Variants in DEFB114 observed in about 807,000 individuals in gnomAD.
The protein encoded by DEFB114 is beta-defensin 114.
A neutral mutation model predicts 2.4 loss-of-function variants in DEFB114; 4 were observed. The observed-to-expected ratio is 1.67, with a 90% CI of 0.82 to 3.82. The LOEUF (loss-of-function observed/expected upper bound fraction) is 3.82. Ranked by LOEUF, DEFB114 falls within the 30% of genes most tolerant of loss-of-function variation. DEFB114 has a pLI of 0.01. For missense variants in DEFB114, 113 were observed against 85.8 expected, an observed-to-expected ratio of 1.32 and a Z score of -1.25; for synonymous variants, 35 against 24.6, an observed-to-expected ratio of 1.42 and a Z score of -1.26.
chr6:49,962,927 A>G (rs1773485926), intron 1 of DEFB114, among the ~76,000 whole-genome samples: 1 of 150,312 alleles, frequency 6.7e-6, no homozygotes, highest in Non-Finnish European at 1.5e-5. Context: ...TTCTGAAAAA[A>G]TTACATCATA....
At chr6:49,962,511 T>C (rs1222397741) in intron 1 of DEFB114, among the ~76,000 whole-genome samples, 1 of 150,426 alleles carries the variant, frequency 6.6e-6, no homozygotes, top group Non-Finnish European at 1.5e-5. Flanking sequence ...ATATGCTAAA[T>C]GTATTGAACA....
At chr6:49,963,003 G>A (rs1193696949) in intron 1 of DEFB114, among the ~76,000 whole-genome samples, 2 of 150,216 alleles carry the variant, frequency 1.3e-5, no homozygotes, top group African/African-American at 4.8e-5. Flanking sequence ...TAAGGGAATA[G>A]AATCCATAAT....
intron 1 of DEFB114, among the ~76,000 whole-genome samples, chr6:49,961,595 T>C (rs1377903183): frequency 6.6e-6 from 1 of 150,788 alleles, no homozygotes; most frequent in Non-Finnish European, 1.5e-5. Context: ...AAACAGCAGA[T>C]GCTTTATTGT....
chr6:49,962,760 G>A (rs1407692442), intron 1 of DEFB114, among the ~76,000 whole-genome samples: 1 of 150,276 alleles, frequency 6.7e-6, no homozygotes, highest in African/African-American at 2.4e-5. Context: ...AGAGGCAATA[G>A]TCAAGCTTCA....
chr6:49,964,085 G>A lies in DEFB114; in HGVS notation c.21C>T (p.Leu7=). The change falls in exon 1 of 2, where the codon CTC becomes CTT. Residue 7 remains leucine (L), a synonymous_variant. Coordinates refer to ENST00000322066, the MANE Select transcript of DEFB114 (RefSeq NM_001037499.2). MRIFYY[L]HFLCYVTFIL... Reference sequence around the variant, plus strand: ...TGAAGGTCACATAACACAGAAAATGGAGATAGTAAAAGATCCTCATTCTGT... The same window carrying A: ...TGAAGGTCACATAACACAGAAAATGAAGATAGTAAAAGATCCTCATTCTGT... The A allele has an allele frequency of 1.3e-6, 2 of 1,586,838 alleles. No individual in the cohort carries two copies. Among genetic ancestry groups the A allele is most frequent in the South Asian group, 2.3e-5 (2 of 87,536 alleles).
chr6:49,963,009 A>G (rs1237726730), intron 1 of DEFB114, among the ~76,000 whole-genome samples: 1 of 150,438 alleles, frequency 6.6e-6, no homozygotes, highest in Non-Finnish European at 1.5e-5. Flanking sequence ...AATAGAATCC[A>G]TAATAATTAA....
chr6:49,961,880 A>T (rs1460225031), intron 1 of DEFB114, among the ~76,000 whole-genome samples: 1 of 150,760 alleles, frequency 6.6e-6, no homozygotes, highest in African/African-American at 2.4e-5. Flanking sequence ...TACAGCACAT[A>T]TATTTTTACA....
At chr6:49,963,967 A>C in intron 1 of DEFB114, 84 bp downstream of exon 1, 2 of 1,040,730 alleles carry the variant, frequency 1.9e-6, no homozygotes, top group Non-Finnish European at 2.8e-6. Context: ...TTGCATTAAA[A>C]ATTTGCATTC....
At chr6:49,963,897 A>ACAT (rs1445766093) in intron 1 of DEFB114, among the ~76,000 whole-genome samples, 154 bp downstream of exon 1, 17 of 150,084 alleles carry the variant, frequency 1.1e-4, no homozygotes, top group African/African-American at 3.9e-4. Context: ...CAGTATAATG[A>ACAT]TATTATCAAT....
At chr6:49,963,901 T>TA in intron 1 of DEFB114, 150 bp downstream of exon 1, 3 of 581,866 alleles carry the variant, frequency 5.2e-6, no homozygotes, top group Non-Finnish European at 9.0e-6. Flanking sequence ...ATAATGATAT[T>TA]ATCAATGAGG....
intron 1 of DEFB114, among the ~76,000 whole-genome samples, chr6:49,960,783 A>G (rs1773445858): frequency 6.6e-6 from 1 of 150,842 alleles, no homozygotes; most frequent in Non-Finnish European, 1.5e-5. Flanking sequence ...TCAGACAATC[A>G]TATCATATCT....
Position 49,960,275 on chromosome 6 carries a change from G to C in DEFB114, c.*17C>G, listed in dbSNP as rs1376207973. 4 of 1,592,270 alleles carry C rather than the reference G, an allele frequency of 2.5e-6. No homozygotes were observed. The highest frequency in any genetic ancestry group is 3.4e-6 in the Non-Finnish European group (4 of 1,169,016). On this transcript the variant is annotated 3_prime_UTR_variant, in exon 2 of 2. Transcript: ENST00000322066. ...GGTGCACATGTAACTTCTTTGTTCA[G>C]AGGTATGCCTTTCTTTTCAAAACAT...
chr6:49,960,419 C>T lies in DEFB114; in HGVS notation c.83G>A (p.Arg28His), dbSNP rs577162073. Residue 28 changes from arginine to histidine, a missense_variant, in exon 2 of 2, where the codon CGT becomes CAT. Coordinates refer to ENST00000322066, the MANE Select transcript of DEFB114 (RefSeq NM_001037499.2). ...ACAACGACCGTAACGTTTGGTGCAA[C>T]GATCAGCATTCACCAAGGTACATGT... ...PATCTLVNAD[R>H]CTKRYGRCKR... The T allele has an allele frequency of 6.8e-5, 109 of 1,603,912 alleles. No homozygotes were observed. The Middle Eastern group carries it at 2.0e-3, about 29-fold the overall frequency.
intron 1 of DEFB114, among the ~76,000 whole-genome samples, chr6:49,962,017 G>A (rs570055522): frequency 6.6e-6 from 1 of 150,524 alleles, no homozygotes; most frequent in East Asian, 1.9e-4. Context: ...AGCCTTATCT[G>A]CTGATGAATA....
chr6:49,963,455 G>C (rs550022417), intron 1 of DEFB114, among the ~76,000 whole-genome samples: 1 of 149,696 alleles, frequency 6.7e-6, no homozygotes, highest in Non-Finnish European at 1.5e-5. Flanking sequence ...GTTTGTAACT[G>C]TCATTTTAAT....
rs775542119 is a variant in DEFB114, at chr6:49,960,399, G to A, written c.103C>T (p.Arg35Cys). 39 of 1,607,352 alleles carry A rather than the reference G, an allele frequency of 2.4e-5. 1 individual carries two copies. The highest frequency in any genetic ancestry group is 4.4e-5 in the South Asian group (4 of 90,750). The change falls in exon 2 of 2, where the codon CGT becomes TGT. Residue 35 changes from arginine to cysteine, a missense_variant. Physicochemically the swap from Arg to Cys is radical, Grantham distance 180. Transcript: ENST00000322066. ...CTCTCAAGACAGTCTCTTTTACAACGACCGTAACGTTTGGTGCAACGATCA... is the reference window on the plus strand; with the variant it reads ...CTCTCAAGACAGTCTCTTTTACAACAACCGTAACGTTTGGTGCAACGATCA... ...NADRCTKRYG[R>C]CKRDCLESEK...
chr6:49,964,126 A>T lies in DEFB114; in HGVS notation c.-21T>A. ...CTCATTCTGTAGAAAGAAGTTGTTG[A>T]AAGACTTGATAACAGAATATAGAGA... On this transcript the variant is annotated 5_prime_UTR_variant, in exon 1 of 2. Coordinates refer to ENST00000322066, the MANE Select transcript of DEFB114 (RefSeq NM_001037499.2). The T allele has an allele frequency of 6.4e-7, 1 of 1,557,294 alleles. No homozygotes were observed. Among genetic ancestry groups the T allele is most frequent in the Non-Finnish European group, 8.8e-7 (1 of 1,141,326 alleles).
rs1191433583 is a variant in DEFB114, at chr6:49,964,097, G to T, written c.9C>A (p.Ile3=). Residue 3 remains isoleucine, a synonymous_variant, in exon 1 of 2, where the codon ATC becomes ATA. Transcript: ENST00000322066. ...AACACAGAAAATGGAGATAGTAAAA[G>T]ATCCTCATTCTGTAGAAAGAAGTTG... MR[I]FYYLHFLCYV... 2.5e-6 allele frequency: 4 copies of T among 1,584,912 alleles called. No homozygotes were observed. The highest frequency in any genetic ancestry group is 3.4e-5 in the Admixed American group (2 of 58,008).
chr6:49,960,929 C>T (rs1017035550), intron 1 of DEFB114, among the ~76,000 whole-genome samples: 2 of 150,618 alleles, frequency 1.3e-5, no homozygotes, highest in African/African-American at 2.4e-5. Flanking sequence ...GCAATTTTTG[C>T]CCCATTGCAA....
Sources: gnomAD v4.1 joint callset for allele counts (sites outside exome capture counted in the v4.1 genomes callset) on GRCh38, gnomAD v4.1.1 for gene constraint, MANE v1.5 for transcripts, NCBI Gene and HGNC (gene_info 2026-07-23, HGNC 2026-07-21) for gene names.